Variants in ITPR2 observed in about 807,000 individuals in gnomAD.
ITPR2 encodes the protein inositol 1,4,5-trisphosphate-gated calcium channel ITPR2.
A neutral mutation model predicts 317.1 loss-of-function variants in ITPR2; 207 were observed. The observed-to-expected ratio is 0.65, with a 90% CI of 0.58 to 0.73. The LOEUF (loss-of-function observed/expected upper bound fraction) is 0.73, where lower values mean the gene tolerates loss of function less well. Ranked by LOEUF, ITPR2 falls within the 30% of genes least tolerant of loss-of-function variation. The pLI is 0.00. For synonymous variants in ITPR2, 1,156 were observed against 1,149.1 expected (o/e 1.01, Z -0.12); for missense variants, 2,613 against 3,284.0 (o/e 0.80, Z 4.99).
chr12:26,656,252 T>C, intron 19 of ITPR2, 45 bp downstream of exon 19: 1 of 1,603,640 alleles, frequency 6.2e-7, no homozygotes, highest in Non-Finnish European at 8.5e-7. Context: ...GACGTGGAGT[T>C]CATCTGATGA....
intron 2 of ITPR2, among the ~76,000 whole-genome samples, chr12:26,735,732 A>G (rs879590928): frequency 7.9e-5 from 12 of 152,218 alleles, no homozygotes; most frequent in African/African-American, 9.7e-5. Context: ...ATGAACTTCA[A>G]ATTTATATAA....
At chr12:26,663,914 A>C in intron 14 of ITPR2, 68 bp from the exon 15 acceptor site, 1 of 1,353,244 alleles carries the variant, frequency 7.4e-7, no homozygotes, top group Non-Finnish European at 1.0e-6. Context: ...TTTTTTAACA[A>C]ATAAGAACAT....
chr12:26,650,328 T>C (rs534232873), intron 21 of ITPR2, among the ~76,000 whole-genome samples: 22 of 152,222 alleles, frequency 1.4e-4, no homozygotes, highest in African/African-American at 5.1e-4. Flanking sequence ...AGAGAATTTT[T>C]AGGGCAGTGA....
chr12:26,556,772 TAAAA>T (rs762624049), intron 35 of ITPR2, among the ~76,000 whole-genome samples: 2 of 94,608 alleles, frequency 2.1e-5, no homozygotes, highest in African/African-American at 3.1e-5. Context: ...GGGAACAGCT[TAAAA>T]AAAAAAAAAA....
chr12:26,510,402 G>A (rs1342554075), intron 37 of ITPR2, among the ~76,000 whole-genome samples: 1 of 152,218 alleles, frequency 6.6e-6, no homozygotes, highest in East Asian at 1.9e-4. Flanking sequence ...AAGAAGACAT[G>A]TAGCTTCCAT....
intron 48 of ITPR2, among the ~76,000 whole-genome samples, chr12:26,434,052 C>T (rs1230195240): frequency 6.6e-6 from 1 of 152,002 alleles, no homozygotes; most frequent in East Asian, 1.9e-4. Context: ...AAAATGGATA[C>T]ATATATAAAG....
intron 54 of ITPR2, among the ~76,000 whole-genome samples, chr12:26,389,059 C>T (rs74563492): frequency 0.025 from 3,829 of 152,280 alleles, 64 homozygotes; most frequent in South Asian, 0.051. Flanking sequence ...ACTTCTCACC[C>T]GCTCTGCTGC....
intron 20 of ITPR2, among the ~76,000 whole-genome samples, chr12:26,654,584 A>C (rs1947332907): frequency 6.6e-6 from 1 of 152,196 alleles, no homozygotes; most frequent in African/African-American, 2.4e-5. Context: ...GCCCCAGTGC[A>C]CAGTCTCCCC....
chr12:26,376,334 A>T (rs1351655242), intron 55 of ITPR2, among the ~76,000 whole-genome samples: 3 of 152,164 alleles, frequency 2.0e-5, no homozygotes, highest in African/African-American at 7.2e-5. Flanking sequence ...TCCTCAACTT[A>T]TTCCTGTGGA....
rs531426299 is a variant in ITPR2 at position 26,443,547 on chromosome 12, A to G, written c.6446T>C (p.Ile2149Thr). ...CAATAAATAATAGATGGTTACCTCA[A>G]TCTGTGCAGTGTGGTTGGCATAATA... Reference protein sequence around the residue: ...LKYYANHTAQIEIVRHDRTME... With the variant: ...LKYYANHTAQTEIVRHDRTME... The change falls in exon 46 of 57, where the codon ATT (isoleucine) becomes ACT (threonine). Residue 2149 changes from isoleucine to threonine, a missense_variant. Ile to Thr is a moderately conservative substitution (Grantham distance 89). This residue lies in a region of ITPR2 where 926 missense variants were observed against 1,072.8 expected (regional missense o/e 0.86). Coordinates refer to ENST00000381340, the MANE Select transcript of ITPR2 (RefSeq NM_002223.4). The G allele has an allele frequency of 1.2e-6, 2 of 1,607,482 alleles. No homozygotes were observed. Among genetic ancestry groups the G allele is most frequent in the South Asian group, 1.1e-5 (1 of 90,730 alleles).
chr12:26,555,384 C>T (rs558936920), intron 36 of ITPR2, among the ~76,000 whole-genome samples: 66 of 152,278 alleles, frequency 4.3e-4, no homozygotes, highest in Non-Finnish European at 7.8e-4. Context: ...CACTGACTCT[C>T]CATCCAGATA....
At chr12:26,702,034 C>T (rs1404918997) in intron 9 of ITPR2, among the ~76,000 whole-genome samples, 2 of 152,172 alleles carry the variant, frequency 1.3e-5, no homozygotes, top group African/African-American at 4.8e-5. Context: ...CTGTGGAAGA[C>T]CCATTTACTG....
At chr12:26,564,115 T>A (rs926737309) in intron 34 of ITPR2, among the ~76,000 whole-genome samples, 2 of 151,912 alleles carry the variant, frequency 1.3e-5, no homozygotes, top group African/African-American at 2.4e-5. Context: ...ATGTGAAAAA[T>A]TGGCTGAAAA....
intron 26 of ITPR2, among the ~76,000 whole-genome samples, chr12:26,604,663 C>T (rs1252450658): frequency 6.6e-6 from 1 of 152,170 alleles, no homozygotes; most frequent in Non-Finnish European, 1.5e-5. Flanking sequence ...AGTTAGACTC[C>T]AGAGCTATAT....
At chr12:26,736,761 G>T (rs1949125475) in intron 2 of ITPR2, among the ~76,000 whole-genome samples, 1 of 152,182 alleles carries the variant, frequency 6.6e-6, no homozygotes, top group South Asian at 2.1e-4. Flanking sequence ...ATTTTAGGCT[G>T]ATTCATATTA....
chr12:26,601,933 G>A (rs1946008354), intron 28 of ITPR2, among the ~76,000 whole-genome samples: 1 of 152,184 alleles, frequency 6.6e-6, no homozygotes, highest in Admixed American at 6.5e-5. Flanking sequence ...TATTAATCAC[G>A]AGGAAACATC....
chr12:26,470,505 T>C (rs1942270806), intron 45 of ITPR2, among the ~76,000 whole-genome samples: 1 of 152,200 alleles, frequency 6.6e-6, no homozygotes, highest in Non-Finnish European at 1.5e-5. Context: ...GATAAATACT[T>C]TCTAGTAATT....
chr12:26,743,914 C>T (rs184310367), intron 2 of ITPR2, among the ~76,000 whole-genome samples: 1 of 152,094 alleles, frequency 6.6e-6, no homozygotes, highest in African/African-American at 2.4e-5. Flanking sequence ...CAAAACAAAA[C>T]CTCATGTCCA....
Position 26,572,256 on chromosome 12 carries a change from G to A in ITPR2, c.4630+6457C>T, listed in dbSNP as rs192721340. 5.2e-3 allele frequency among the ~76,000 whole-genome samples: 798 copies of A among 152,220 alleles called. 5 individuals carry two copies. The highest frequency in any genetic ancestry group is 0.017 in the African/African-American group (721 of 41,548). On this transcript the variant is annotated intron_variant, in intron 34 of 56. Coordinates refer to ENST00000381340, the MANE Select transcript of ITPR2 (RefSeq NM_002223.4). ...AAGTTTTATGGGAGGCCATTGTTTTGATCTAGCCTCCTGCACTAGGCCCCA... is the reference window on the plus strand; with the variant it reads ...AAGTTTTATGGGAGGCCATTGTTTTAATCTAGCCTCCTGCACTAGGCCCCA...
Sources: gnomAD v4.1 joint callset for allele counts (sites outside exome capture counted in the v4.1 genomes callset) on GRCh38, gnomAD v4.1.1 for gene constraint, gnomAD v4.1.1 regional missense constraint, MANE v1.5 for transcripts, NCBI Gene and HGNC (gene_info 2026-07-23, HGNC 2026-07-21) for gene names.